CNBD1: variants seen among roughly 807,000 people sequenced by gnomAD.
The protein encoded by CNBD1 is cyclic nucleotide-binding domain-containing protein 1.
A neutral mutation model predicts 54.4 loss-of-function variants in CNBD1; 71 were observed. That is an observed-to-expected ratio of 1.30 (90% CI 1.08 to 1.59). The LOEUF (loss-of-function observed/expected upper bound fraction) is 1.59, where lower values mean the gene tolerates loss of function less well. Among genes scored for constraint, CNBD1 ranks in the 40% most tolerant of loss-of-function variants. CNBD1 has a pLI of 0.00. For synonymous variants in CNBD1, 182 were observed against 170.7 expected (o/e 1.07, Z -0.51); for missense variants, 659 against 518.0 (o/e 1.27, Z -2.64).
At chr8:87,413,308 C>T (rs1317932951) in intron 2 of CNBD1, among the ~76,000 whole-genome samples, 1 of 152,034 alleles carries the variant, frequency 6.6e-6, no homozygotes, top group Admixed American at 6.6e-5. Context: ...TTTTTTCACA[C>T]TTACTACTTT....
intron 1 of CNBD1, among the ~76,000 whole-genome samples, chr8:86,877,704 G>A (rs972050756): frequency 3.0e-4 from 45 of 152,096 alleles, no homozygotes; most frequent in African/African-American, 1.0e-3. Context: ...CTGGGTCATC[G>A]TATTATATTT....
At chr8:86,973,955 T>C (rs1313427182) in intron 4 of CNBD1, among the ~76,000 whole-genome samples, 1 of 152,024 alleles carries the variant, frequency 6.6e-6, no homozygotes, top group African/African-American at 2.4e-5. Flanking sequence ...TAAATATTTA[T>C]TGACTATTGT....
At chr8:87,270,461 A>C (rs1279779558) in intron 6 of CNBD1, among the ~76,000 whole-genome samples, 1 of 151,874 alleles carries the variant, frequency 6.6e-6, no homozygotes, top group African/African-American at 2.4e-5. Context: ...GTCAACAAAT[A>C]ACAGATTCTG....
rs1309290613 is a variant in CNBD1, at chr8:87,132,877, T to C, written c.432-73116T>C. Among the ~76,000 whole-genome samples the C allele has an allele frequency of 2.0e-5, 3 of 150,178 alleles. No individual in the cohort carries two copies. The South Asian group carries it at 6.2e-4, about 31-fold the overall frequency. ...CTCTCCTCTCATTTTGGGACTCAAA[T>C]TACATGAAACACATGGTTTTGATAA... On this transcript the variant is annotated intron_variant, in intron 4 of 10. Transcript: ENST00000518476.
intron 10 of CNBD1, among the ~76,000 whole-genome samples, chr8:87,361,779 G>A (rs1276089209): frequency 1.3e-5 from 2 of 149,980 alleles, no homozygotes; most frequent in Admixed American, 1.3e-4. Context: ...GTATCAATTG[G>A]TTTATAAAGA....
chr8:87,240,800 A>G (rs1404033082), intron 6 of CNBD1, among the ~76,000 whole-genome samples: 1 of 152,100 alleles, frequency 6.6e-6, no homozygotes, highest in Non-Finnish European at 1.5e-5. Context: ...CCCCTCCTGC[A>G]GTTCCCTGGA....
intron 4 of CNBD1, among the ~76,000 whole-genome samples, chr8:87,133,543 A>G: frequency 6.6e-6 from 1 of 151,184 alleles, no homozygotes; most frequent in East Asian, 1.9e-4. Flanking sequence ...AGCATGGGCC[A>G]CTCTCCTGGG....
At chr8:87,318,259 T>G (rs1006496602) in intron 8 of CNBD1, among the ~76,000 whole-genome samples, 10 of 152,146 alleles carry the variant, frequency 6.6e-5, no homozygotes, top group Non-Finnish European at 1.5e-4. Flanking sequence ...TTTGTAATTT[T>G]GCATTGGATT....
At chr8:87,072,720 T>C (rs1243539256) in intron 4 of CNBD1, among the ~76,000 whole-genome samples, 1 of 152,050 alleles carries the variant, frequency 6.6e-6, no homozygotes, top group Non-Finnish European at 1.5e-5. Context: ...CCTGGCCTTT[T>C]TTTTTTGGTT....
At position 87,216,456 on chromosome 8, in the gene CNBD1, A is replaced by G. The variant is rs149710910; in HGVS notation, c.577+10318A>G. Among the ~76,000 whole-genome samples the G allele has an allele frequency of 2.9e-3, 442 of 152,252 alleles. 3 individuals carry two copies. The highest frequency in any genetic ancestry group is 0.01 in the African/African-American group (425 of 41,546). ...TGTTTTCCCACTCCCCTCAGAAAGC[A>G]CCTTTGCATAACATACTGTGTGGAA... On this transcript the variant is annotated intron_variant, in intron 5 of 10. Coordinates refer to ENST00000518476, the MANE Select transcript of CNBD1 (RefSeq NM_173538.3).
rs531196890 is a variant in CNBD1, at chr8:87,123,895, T to C, written c.432-82098T>C. The stretch of plus-strand genomic sequence containing the variant: ...AATTGGATAATCTAGAAGAAATTGA[T>C]AAATTTCTAGACACATGGACCCTAC... On this transcript the variant is annotated intron_variant, in intron 4 of 10. Coordinates refer to ENST00000518476, the MANE Select transcript of CNBD1 (RefSeq NM_173538.3). Among the ~76,000 whole-genome samples the C allele has an allele frequency of 1.2e-4, 18 of 151,726 alleles. No homozygotes were observed. In the South Asian group the frequency reaches 3.7e-3, roughly 31 times the overall value.
intron 3 of CNBD1, among the ~76,000 whole-genome samples, chr8:86,907,999 C>A (rs1398526172): frequency 6.6e-6 from 1 of 152,174 alleles, no homozygotes; most frequent in African/African-American, 2.4e-5. Context: ...TCATTTAACA[C>A]AAATATTATG....
At chr8:86,988,329 T>C (rs1376673206) in intron 4 of CNBD1, among the ~76,000 whole-genome samples, 2 of 152,076 alleles carry the variant, frequency 1.3e-5, no homozygotes. Context: ...TCTTTTGTGT[T>C]TTTTGGGATC....
At chr8:87,326,200 A>T (rs1809665829) in intron 8 of CNBD1, among the ~76,000 whole-genome samples, 2 of 124,328 alleles carry the variant, frequency 1.6e-5, no homozygotes, top group East Asian at 4.2e-4. Context: ...CTTCCCTTTG[A>T]GGGTAACCCG....
intron 10 of CNBD1, among the ~76,000 whole-genome samples, chr8:87,363,913 T>A (rs983039759): frequency 6.6e-6 from 1 of 151,994 alleles, no homozygotes; most frequent in Non-Finnish European, 1.5e-5. Context: ...GGTGTTTTAT[T>A]CATGAAGTCC....
At chr8:86,897,561 A>C (rs1458290563) in intron 2 of CNBD1, among the ~76,000 whole-genome samples, 1 of 152,248 alleles carries the variant, frequency 6.6e-6, no homozygotes, top group African/African-American at 2.4e-5. Context: ...GGTCTACCCA[A>C]GAATGCAGAT....
At chr8:87,104,721 C>T (rs1811498176) in intron 4 of CNBD1, among the ~76,000 whole-genome samples, 1 of 152,196 alleles carries the variant, frequency 6.6e-6, no homozygotes, top group South Asian at 2.1e-4. Flanking sequence ...TTGTTTCAGT[C>T]TTGCCTTTTC....
intron 4 of CNBD1, among the ~76,000 whole-genome samples, chr8:87,205,220 G>C (rs1813946299): frequency 6.6e-6 from 1 of 152,086 alleles, no homozygotes; most frequent in Non-Finnish European, 1.5e-5. Context: ...TTTTAGTAGA[G>C]ACAGGGTTTC....
chr8:87,117,004 T>C (rs1423343743), intron 4 of CNBD1, among the ~76,000 whole-genome samples: 1 of 152,192 alleles, frequency 6.6e-6, no homozygotes, highest in Admixed American at 6.5e-5. Flanking sequence ...TTTGGCTATT[T>C]GTCTTCATCC....
Sources: allele counts gnomAD v4.1 joint callset (sites outside exome capture counted in the v4.1 genomes callset), GRCh38; gene constraint gnomAD v4.1.1; transcripts MANE v1.5; gene names NCBI Gene and HGNC (gene_info 2026-07-23, HGNC 2026-07-21).